C9: variants seen among roughly 807,000 people sequenced by gnomAD.
C9 encodes complement component C9.
Under a neutral mutation model 65.4 loss-of-function variants are expected in C9, and 63 were observed. That is an observed-to-expected ratio of 0.96 (90% CI 0.79 to 1.19). The LOEUF is 1.19. Ranked by LOEUF, C9 falls within the 50% of genes most tolerant of loss-of-function variation. The probability of loss-of-function intolerance (pLI) is 0.00; values close to 1 mark genes in which losing one functional copy is unlikely to be tolerated. For synonymous variants in C9, 229 were observed against 227.9 expected (o/e 1.00, Z -0.04); for missense variants, 744 against 670.1 (o/e 1.11, Z -1.22).
intron 9 of C9, among the ~76,000 whole-genome samples, chr5:39,302,419 C>A (rs1753302284): frequency 6.6e-6 from 1 of 151,914 alleles, no homozygotes; most frequent in Admixed American, 6.6e-5. Context: ...TTCAGACATC[C>A]AAAATAAACT....
intron 1 of C9, among the ~76,000 whole-genome samples, chr5:39,355,461 G>T (rs1579882444): frequency 2.7e-5 from 4 of 150,718 alleles, no homozygotes; most frequent in East Asian, 1.9e-4. Flanking sequence ...ACTCCTTTTT[G>T]TTTTTTTTTA....
At chr5:39,286,569 C>A (rs1222542508) in intron 10 of C9, among the ~76,000 whole-genome samples, 1 of 151,650 alleles carries the variant, frequency 6.6e-6, no homozygotes, top group Non-Finnish European at 1.5e-5. Context: ...GCAAATGGAT[C>A]GACTATACAA....
intron 5 of C9, among the ~76,000 whole-genome samples, chr5:39,325,015 G>T (rs1406377962): frequency 2.6e-5 from 4 of 152,120 alleles, no homozygotes; most frequent in Non-Finnish European, 4.4e-5. Context: ...CACTAAAAAT[G>T]GAAGAGATAG....
At chr5:39,287,278 G>T (rs568018544) in intron 10 of C9, among the ~76,000 whole-genome samples, 18 of 151,848 alleles carry the variant, frequency 1.2e-4, no homozygotes, top group Admixed American at 3.3e-4. Flanking sequence ...CAATGTCCAG[G>T]AGAGTTTTTC....
chr5:39,317,596 G>A (rs187980842), intron 5 of C9, among the ~76,000 whole-genome samples: 2 of 152,288 alleles, frequency 1.3e-5, no homozygotes, highest in African/African-American at 2.4e-5. Context: ...TTATTAAATA[G>A]GGAATCCTTT....
At chr5:39,288,435 T>G (rs1045542995) in intron 10 of C9, among the ~76,000 whole-genome samples, 1 of 151,746 alleles carries the variant, frequency 6.6e-6, no homozygotes, top group Non-Finnish European at 1.5e-5. Flanking sequence ...GAATACCTGA[T>G]GTTTGTTGTA....
Position 39,288,612 on chromosome 5 carries a change from TATAA to T in C9, c.1645+107_1645+110del, listed in dbSNP as rs551292093. The T allele has an allele frequency of 4.3e-4, 294 of 686,582 alleles. 2 individuals carry two copies. The South Asian group carries it at 4.6e-3, about 11-fold the overall frequency. 42.5% of individuals were successfully genotyped at this position (686,582 alleles called of 1,614,324 possible). A position where few individuals can be genotyped will look rare whatever the true frequency, so the allele number is the denominator to read the frequency against. On this transcript the variant is annotated intron_variant, in intron 10 of 10. Coordinates refer to ENST00000263408, the MANE Select transcript of C9 (RefSeq NM_001737.5). ...TCACTCAATCTTTATCTTCTGTTTA[TATAA>T]ATAATCTAGAGATTTAGTACAAATT...
chr5:39,357,770 G>C lies in C9; in HGVS notation c.77+6618C>G, dbSNP rs1048127369. ...TGACACTCTTCCCATCAAAAGTAGG[G>C]TTTATGTGTGCTTCTATTGAAGTTG... On this transcript the variant is annotated intron_variant, in intron 1 of 10. Coordinates refer to ENST00000263408, the MANE Select transcript of C9 (RefSeq NM_001737.5). Among the ~76,000 whole-genome samples the C allele has an allele frequency of 4.6e-5, 7 of 152,288 alleles. No individual in the cohort carries two copies. In the East Asian group the frequency reaches 9.7e-4, roughly 21 times the overall value.
At chr5:39,288,664 T>C in intron 10 of C9, 59 bp downstream of exon 10, 1 of 893,670 alleles carries the variant, frequency 1.1e-6, no homozygotes, top group Non-Finnish European at 1.9e-6. Flanking sequence ...AGTTTTCAAA[T>C]TAGATAACCC....
intron 5 of C9, among the ~76,000 whole-genome samples, chr5:39,324,518 A>G (rs1461346750): frequency 1.3e-5 from 2 of 152,186 alleles, no homozygotes; most frequent in Non-Finnish European, 2.9e-5. Flanking sequence ...GATATAACAG[A>G]TTGTTGGTCA....
chr5:39,341,485 GC>G, intron 3 of C9, 70 bp downstream of exon 3: 6 of 1,531,506 alleles, frequency 3.9e-6, no homozygotes, highest in Non-Finnish European at 5.4e-6. Context: ...AGAAGCATAT[GC>G]TTTTTTTTTT....
intron 6 of C9, among the ~76,000 whole-genome samples, chr5:39,312,476 G>C (rs1753502774): frequency 6.6e-6 from 1 of 152,092 alleles, no homozygotes; most frequent in Non-Finnish European, 1.5e-5. Context: ...TAGATCTCAG[G>C]TCTCCTTGTC....
chr5:39,308,226 T>C lies in C9; in HGVS notation c.1240+4A>G. 1 of 1,613,062 alleles carries C rather than the reference T, an allele frequency of 6.2e-7. No individual in the cohort carries two copies. Among genetic ancestry groups the C allele is most frequent in the Non-Finnish European group, 8.5e-7 (1 of 1,179,128 alleles). On this transcript the variant is annotated splice_donor_region_variant and intron_variant, in intron 8 of 10. Coordinates refer to ENST00000263408, the MANE Select transcript of C9 (RefSeq NM_001737.5). Reference sequence around the variant, plus strand: ...TAAAATCTAACAAGTGAGGCCACACTTACCAGCTCTACCCTCTCCCCTCTT... The same window carrying C: ...TAAAATCTAACAAGTGAGGCCACACCTACCAGCTCTACCCTCTCCCCTCTT...
chr5:39,359,616 G>A (rs914656947), intron 1 of C9, among the ~76,000 whole-genome samples: 6 of 152,118 alleles, frequency 3.9e-5, no homozygotes, highest in African/African-American at 1.4e-4. Context: ...TAAAAGGGAG[G>A]TATTGATGCT....
At chr5:39,345,157 A>T (rs1055333831) in intron 1 of C9, among the ~76,000 whole-genome samples, 1 of 152,210 alleles carries the variant, frequency 6.6e-6, no homozygotes. Context: ...ACAGGATCAA[A>T]TTCACACATA....
rs1314772591 is a variant in C9 at position 39,357,444 on chromosome 5, G to T, written c.77+6944C>A. Among the ~76,000 whole-genome samples the T allele has an allele frequency of 2.6e-5, 4 of 152,282 alleles. No homozygotes were observed. In the East Asian group the frequency reaches 7.7e-4, roughly 29 times the overall value. On this transcript the variant is annotated intron_variant, in intron 1 of 10. Coordinates refer to ENST00000263408, the MANE Select transcript of C9 (RefSeq NM_001737.5). ...CTCTCATGTGCTTTAAATGAGCCAAGGGTCACCAACCTTTACTGAGGAACT... is the reference window on the plus strand; with the variant it reads ...CTCTCATGTGCTTTAAATGAGCCAATGGTCACCAACCTTTACTGAGGAACT...
At chr5:39,318,305 A>G (rs544717990) in intron 5 of C9, among the ~76,000 whole-genome samples, 56 of 152,310 alleles carry the variant, frequency 3.7e-4, no homozygotes, top group Non-Finnish European at 6.6e-4. Context: ...ATCTGCAAAC[A>G]AAGATAATTT....
At chr5:39,360,245 C>T (rs1398062672) in intron 1 of C9, among the ~76,000 whole-genome samples, 1 of 151,836 alleles carries the variant, frequency 6.6e-6, no homozygotes. Context: ...TTATATCATC[C>T]CTTAGATATC....
At chr5:39,363,193 C>T (rs996539150) in intron 1 of C9, among the ~76,000 whole-genome samples, 2 of 152,110 alleles carry the variant, frequency 1.3e-5, no homozygotes, top group Non-Finnish European at 2.9e-5. Flanking sequence ...CCCAGATGCC[C>T]ACTAAACAAA....
Sources: gnomAD v4.1 joint callset for allele counts (sites outside exome capture counted in the v4.1 genomes callset) on GRCh38, gnomAD v4.1.1 for gene constraint, MANE v1.5 for transcripts, NCBI Gene and HGNC (gene_info 2026-07-23, HGNC 2026-07-21) for gene names.